The following CFAP65 variants were observed in gnomAD, a reference collection of about 807,000 sequenced individuals.
CFAP65 encodes cilia and flagella associated protein 65.
A neutral mutation model predicts 208.0 loss-of-function variants in CFAP65; 155 were observed. The ratio of observed to expected loss-of-function variants is 0.75; its 90% CI spans 0.65 to 0.85. CFAP65 has a LOEUF of 0.85. Ranked by LOEUF, CFAP65 falls within the 40% of genes least tolerant of loss-of-function variation. The probability of loss-of-function intolerance (pLI) is 0.00; values close to 1 mark genes in which losing one functional copy is unlikely to be tolerated. For missense variants in CFAP65, 2,294 were observed against 2,451.3 expected, an observed-to-expected ratio of 0.94 and a Z score of 1.36; for synonymous variants, 970 against 986.3, an observed-to-expected ratio of 0.98 and a Z score of 0.31.
chr2:219,028,552 A>G, intron 11 of CFAP65, 151 bp from the exon 12 acceptor site: 1 of 691,660 alleles, frequency 1.4e-6, no homozygotes, highest in East Asian at 2.7e-5. Flanking sequence ...AGCACTCAGC[A>G]GTGGTCTGGC....
intron 20 of CFAP65, 80 bp from the exon 21 acceptor site, chr2:219,019,259 C>T (rs1947113143): frequency 5.4e-6 from 8 of 1,489,970 alleles, no homozygotes; most frequent in Non-Finnish European, 5.4e-6. Flanking sequence ...GGCTTGGGCA[C>T]TCCCCTCCCT....
At chr2:219,009,681 T>G (rs902032785) in intron 27 of CFAP65, among the ~76,000 whole-genome samples, 7 of 43,382 alleles carry the variant, frequency 1.6e-4, no homozygotes, top group East Asian at 1.0e-3. Flanking sequence ...TGGGGTGGGG[T>G]GGGGTGGGGT....
chr2:219,020,893 G>A (rs1303614408), intron 19 of CFAP65, among the ~76,000 whole-genome samples: 2 of 152,148 alleles, frequency 1.3e-5, no homozygotes, highest in Non-Finnish European at 2.9e-5. Context: ...GAGGCCCAGC[G>A]AGGCTTGGGG....
In CFAP65 at chr2:219,004,830, C is replaced by CG. The variant is rs61376372; in HGVS notation, c.5052-376dup. Among the ~76,000 whole-genome samples, 1,615 of 24,066 alleles carry CG rather than the reference C, an allele frequency of 0.067. 10 individuals are homozygous for CG. The highest frequency in any genetic ancestry group is 0.13 in the Non-Finnish European group (850 of 6,550). The allele number at this position is 24,066 out of a possible 152,430, so 15.8% of individuals were successfully genotyped here. A position where few individuals can be genotyped will look rare whatever the true frequency, so the allele number is the denominator to read the frequency against. On this transcript the variant is annotated intron_variant, in intron 32 of 34. Coordinates refer to ENST00000341552, the MANE Select transcript of CFAP65 (RefSeq NM_194302.4). This position sits in a 1 kb window ranked among gnomAD's most constrained non-coding sequence, Gnocchi z 4.7. ...CCCCACTGTCCTGGGGTGGGGGGGC[C>CG]GGGGGGGGGGACCGTGGTGGGATCT...
Position 219,014,025 on chromosome 2 carries a change from C to A in CFAP65, c.3622G>T (p.Asp1208Tyr). Residue 1208 changes from aspartate to tyrosine, a missense_variant, in exon 22 of 35, where the codon GAC (aspartate) becomes TAC (tyrosine). Transcript: ENST00000341552. ...SLDWAFLLPS[D>Y]QRIDVELWAE... ...CAGAGCTCCACGTCAATCCGCTGGT[C>A]ACTTGGAAGGAGGAAGGCCCTGGGA... 6.2e-7 allele frequency: 1 copy of A among 1,611,992 alleles called. No homozygotes were observed. Among genetic ancestry groups the A allele is most frequent in the South Asian group, 1.1e-5 (1 of 90,754 alleles).
Position 219,030,128 on chromosome 2 carries a change from G to A in CFAP65, c.1242C>T (p.Gly414=). 6.2e-7 allele frequency: 1 copy of A among 1,614,156 alleles called. No homozygotes were observed. Among genetic ancestry groups the A allele is most frequent in the Non-Finnish European group, 8.5e-7 (1 of 1,180,016 alleles). The change falls in exon 10 of 35, where the codon GGC becomes GGT. Residue 414 remains glycine (G), a synonymous_variant. Coordinates refer to ENST00000341552, the MANE Select transcript of CFAP65 (RefSeq NM_194302.4). ...ATTTCTTCTCTCCCGGAAGCACGAT[G>A]CCATGGGCCGTGGGGCATGAGAAGG... ...DQAFSCPTAH[G]IVLPGEKKCV... is the part of the protein sequence containing the mutation.
Position 219,019,732 on chromosome 2 carries a change from G to A in CFAP65, c.3260-13C>T, listed in dbSNP as rs756804210. On this transcript the variant is annotated splice_polypyrimidine_tract_variant and intron_variant, in intron 19 of 34. Coordinates refer to ENST00000341552, the MANE Select transcript of CFAP65 (RefSeq NM_194302.4). ...CCAGCCTTGTTATCTGGGGAGGGGG[G>A]TGAGGAAGACAGAAGTGGGCTTGCC... is the stretch of plus-strand genomic sequence containing the variant. The A allele has an allele frequency of 5.0e-6, 8 of 1,610,544 alleles. No homozygotes were observed. Among genetic ancestry groups the A allele is most frequent in the South Asian group, 2.2e-5 (2 of 90,838 alleles).
intron 26 of CFAP65, 59 bp downstream of exon 26, chr2:219,010,487 C>G (rs1946398725): frequency 5.1e-6 from 8 of 1,560,252 alleles, no homozygotes; most frequent in Non-Finnish European, 6.9e-6. Context: ...TGTCTGGCCA[C>G]CCTGGGCTCT....
Position 219,028,070 on chromosome 2 carries a change from C to T in CFAP65, c.1852-61G>A, listed in dbSNP as rs116071010. Reference sequence around the variant, plus strand: ...GCCATTCCTCTTGCTGTTGCCCCTCCTGGGTACACTCCTGTCTAGAAAGGC... The same window carrying T: ...GCCATTCCTCTTGCTGTTGCCCCTCTTGGGTACACTCCTGTCTAGAAAGGC... On this transcript the variant is annotated intron_variant, in intron 12 of 34. Transcript: ENST00000341552. The T allele has an allele frequency of 6.3e-4, 969 of 1,527,388 alleles. 8 individuals carry two copies. In the African/African-American group the frequency reaches 0.012, roughly 19 times the overall value. The allele number at this position is 1,527,388 out of a possible 1,614,324, so 94.6% of individuals were successfully genotyped here.
chr2:219,033,340 G>A (rs1373822933), intron 5 of CFAP65, among the ~76,000 whole-genome samples: 1 of 152,090 alleles, frequency 6.6e-6, no homozygotes, highest in Non-Finnish European at 1.5e-5. Context: ...GCCAGGCATG[G>A]TGGTGCATGC....
In CFAP65 at chr2:219,031,513, G is replaced by C; in HGVS notation, c.791C>G (p.Ala264Gly). 1 of 1,614,166 alleles carries C rather than the reference G, an allele frequency of 6.2e-7. No individual in the cohort carries two copies. The highest frequency in any genetic ancestry group is 8.5e-7 in the Non-Finnish European group (1 of 1,180,020). The change falls in exon 7 of 35, where the codon GCC (alanine) becomes GGC (glycine). Residue 264 changes from alanine to glycine, a missense_variant. This residue lies in a region of CFAP65 where 867 missense variants were observed against 1,012.6 expected (regional missense o/e 0.86). Coordinates refer to ENST00000341552, the MANE Select transcript of CFAP65 (RefSeq NM_194302.4). The surrounding 1 kb of genome is among the most constrained non-coding windows in gnomAD (Gnocchi z 5.2). ...CCCCACATTATCCAGGCAGAAAAAG[G>C]CCTCAGTCGTATCTCCCACAGCACA... ...PMCAVGDTTE[A>G]FFCLDNVGDL...
intron 14 of CFAP65, 28 bp from the exon 15 acceptor site, chr2:219,024,288 C>T: frequency 6.3e-7 from 1 of 1,593,182 alleles, no homozygotes; most frequent in African/African-American, 1.3e-5. Flanking sequence ...GGAAAGCGGC[C>T]CCCCGCTCAG....
intron 4 of CFAP65, 98 bp from the exon 5 acceptor site, chr2:219,035,762 A>G: frequency 6.7e-7 from 1 of 1,495,598 alleles, no homozygotes; most frequent in Non-Finnish European, 8.9e-7. Flanking sequence ...GTCCTCCACC[A>G]CCAAGAAAAT....
chr2:219,006,620 G>T, intron 29 of CFAP65, 111 bp from the exon 30 acceptor site: 1 of 1,040,098 alleles, frequency 9.6e-7, no homozygotes, highest in Non-Finnish European at 1.5e-6. Flanking sequence ...GATCACCTGA[G>T]ATCAGAAGTT....
chr2:219,016,289 C>CTCT (rs1553524683), intron 21 of CFAP65, among the ~76,000 whole-genome samples: 18 of 85,550 alleles, frequency 2.1e-4, no homozygotes, highest in African/African-American at 8.9e-4. Flanking sequence ...AGTCTCCCTC[C>CTCT]TTTTTTTTTT....
At chr2:219,030,255 C>T (rs1302269301) in intron 9 of CFAP65, 47 bp from the exon 10 acceptor site, 5 of 1,578,126 alleles carry the variant, frequency 3.2e-6, no homozygotes, top group South Asian at 1.1e-5. Context: ...CAGAGCAGAG[C>T]ACTGTATGAT....
chr2:219,009,634 G>GGTTT (rs1946297142), intron 27 of CFAP65, among the ~76,000 whole-genome samples, 174 bp from the exon 28 acceptor site: 1 of 121,088 alleles, frequency 8.3e-6, no homozygotes, highest in Admixed American at 7.6e-5. Flanking sequence ...GATGGGATGG[G>GGTTT]ATGGGATGGG....
In CFAP65 at chr2:219,026,024, T is replaced by C. The variant is rs763232236; in HGVS notation, c.2347A>G (p.Lys783Glu). 6.8e-6 allele frequency: 11 copies of C among 1,613,708 alleles called. No individual in the cohort carries two copies. Among genetic ancestry groups the C allele is most frequent in the Non-Finnish European group, 9.3e-6 (11 of 1,179,720 alleles). ...HIPQYSLDVP[K>E]LFPAVSSGEP... ...ACTGCTGTTGGGGCCACGCTTACCT[T>C]GGGGACATCTAGGGAATACTGGGGG... The change falls in exon 14 of 35, where the codon AAG (lysine) becomes GAG (glutamate). Residue 783 changes from lysine to glutamate, a missense_variant and splice_region_variant. Transcript: ENST00000341552.
rs759012567 is a variant in CFAP65 at position 219,021,881 on chromosome 2, T to C, written c.3029A>G (p.Gln1010Arg). ...AFGNVLVNSK[Q>R]SRFLVLLNDG... Reference sequence around the variant, plus strand: ...ATTCAGGAGGACAAGGAACCTGGACTGCTTGCTGTTCACCAGCACATTCCC... The same window carrying C: ...ATTCAGGAGGACAAGGAACCTGGACCGCTTGCTGTTCACCAGCACATTCCC... The change falls in exon 18 of 35, where the codon CAG (glutamine) becomes CGG (arginine). Residue 1010 changes from glutamine (Q) to arginine (R), a missense_variant. Coordinates refer to ENST00000341552, the MANE Select transcript of CFAP65 (RefSeq NM_194302.4). The C allele has an allele frequency of 1.9e-6, 3 of 1,613,836 alleles. No individual in the cohort carries two copies. The highest frequency in any genetic ancestry group is 2.5e-6 in the Non-Finnish European group (3 of 1,180,014).
Sources: gnomAD v4.1 joint callset for allele counts (sites outside exome capture counted in the v4.1 genomes callset) on GRCh38, gnomAD v4.1.1 for gene constraint, gnomAD v4.1.1 regional missense constraint, Gnocchi (gnomAD v3.1) non-coding constraint, MANE v1.5 for transcripts, NCBI Gene and HGNC (gene_info 2026-07-23, HGNC 2026-07-21) for gene names.